Variants in GATAD2A observed in about 807,000 individuals in gnomAD.
The protein encoded by GATAD2A is transcriptional repressor p66-alpha.
A neutral mutation model predicts 68.5 loss-of-function variants in GATAD2A; 12 were observed. The ratio of observed to expected loss-of-function variants is 0.18; its 90% CI spans 0.11 to 0.28. GATAD2A has a LOEUF of 0.28. Ranked by LOEUF, GATAD2A falls within the 10% of genes least tolerant of loss-of-function variation. The probability of loss-of-function intolerance (pLI) is 1.00; values close to 1 mark genes in which losing one functional copy is unlikely to be tolerated. For synonymous variants in GATAD2A, 410 were observed against 375.3 expected, an observed-to-expected ratio of 1.09 and a Z score of -1.07; for missense variants, 755 against 868.5, an observed-to-expected ratio of 0.87 and a Z score of 1.64.
chr19:19,479,672 ACAT>A (rs1162390180), intron 2 of GATAD2A, among the ~76,000 whole-genome samples: 2 of 152,176 alleles, frequency 1.3e-5, no homozygotes, highest in Non-Finnish European at 2.9e-5. Context: ...TCTTCTCGTC[ACAT>A]CATATCAAAG....
intron 1 of GATAD2A, among the ~76,000 whole-genome samples, chr19:19,434,218 A>G (rs370268043): frequency 1.3e-5 from 2 of 152,102 alleles, no homozygotes; most frequent in Non-Finnish European, 2.9e-5. Context: ...TTTTTTATAT[A>G]TAGACCTTGA....
intron 11 of GATAD2A, among the ~76,000 whole-genome samples, chr19:19,503,804 A>G (rs1568345738): frequency 6.6e-6 from 1 of 152,194 alleles, no homozygotes; most frequent in Non-Finnish European, 1.5e-5. Flanking sequence ...AGCGCCTGGC[A>G]GGACCCAGTT....
At chr19:19,414,916 A>T (rs1283812082) in intron 1 of GATAD2A, among the ~76,000 whole-genome samples, 1 of 100,350 alleles carries the variant, frequency 1.0e-5, no homozygotes, top group African/African-American at 4.0e-5. Flanking sequence ...GGACATGGGG[A>T]GGGAGAACTT....
At chr19:19,412,896 A>G (rs576157588) in intron 1 of GATAD2A, among the ~76,000 whole-genome samples, 1 of 152,220 alleles carries the variant, frequency 6.6e-6, no homozygotes, top group Non-Finnish European at 1.5e-5. Context: ...AAATTTTTCA[A>G]CTTTATGTTG....
At chr19:19,437,223 G>A (rs986968133) in intron 1 of GATAD2A, among the ~76,000 whole-genome samples, 13 of 152,102 alleles carry the variant, frequency 8.5e-5, no homozygotes, top group Admixed American at 7.2e-4. Flanking sequence ...TCAAACTCCT[G>A]GGCTCAAGCG....
upstream of GATAD2A, among the ~76,000 whole-genome samples, chr19:19,404,629 C>CGA (rs2050025465): frequency 6.6e-6 from 1 of 151,916 alleles, no homozygotes; most frequent in African/African-American, 2.4e-5. Context: ...TGCAGTGAGC[C>CGA]GAGATAGCGC....
At chr19:19,426,493 G>A (rs1458393577) in intron 1 of GATAD2A, among the ~76,000 whole-genome samples, 1 of 152,046 alleles carries the variant, frequency 6.6e-6, no homozygotes, top group African/African-American at 2.4e-5. Flanking sequence ...CATTCCATGT[G>A]TTTCCAGTGC....
chr19:19,457,661 A>G (rs1239308645), intron 1 of GATAD2A, among the ~76,000 whole-genome samples: 1 of 151,936 alleles, frequency 6.6e-6, no homozygotes, highest in South Asian at 2.1e-4. Flanking sequence ...GAATGGTGTG[A>G]ACCCGGGAGG....
At chr19:19,429,236 G>A (rs2053452699) in intron 1 of GATAD2A, 24 of 985,186 alleles carry the variant, frequency 2.4e-5, no homozygotes, top group Non-Finnish European at 2.8e-5. Flanking sequence ...CCAGCATCGT[G>A]GTCCATGGTG....
At chr19:19,409,357 GA>G (rs2050656501) in intron 1 of GATAD2A, among the ~76,000 whole-genome samples, 1 of 152,128 alleles carries the variant, frequency 6.6e-6, no homozygotes, top group Non-Finnish European at 1.5e-5. Flanking sequence ...AAGTCTTCTC[GA>G]GCAGCTGTCC....
chr19:19,443,917 G>A (rs1047339625), intron 1 of GATAD2A, among the ~76,000 whole-genome samples: 4 of 152,120 alleles, frequency 2.6e-5, no homozygotes, highest in African/African-American at 9.6e-5. Context: ...AGAGGGGACC[G>A]TGGCCTGTCA....
At chr19:19,493,486 C>G (rs915371182) in intron 4 of GATAD2A, among the ~76,000 whole-genome samples, 2 of 152,170 alleles carry the variant, frequency 1.3e-5, no homozygotes, top group African/African-American at 4.8e-5. Flanking sequence ...GTTTCTTCTT[C>G]CCTGGAGCCC....
In GATAD2A at chr19:19,463,355, G is replaced by A. The variant is rs118029519; in HGVS notation, c.-6-1985G>A. On this transcript the variant is annotated intron_variant, in intron 1 of 11. Transcript: ENST00000683918. ...ATGGGGTTTATGGGCAAGGCATGTC[G>A]GAGGAAGGAAGGACAGAGACCATAG... Among the ~76,000 whole-genome samples, 732 of 152,280 alleles carry A rather than the reference G, an allele frequency of 4.8e-3. 6 individuals are homozygous for A. The highest frequency in any genetic ancestry group is 0.041 in the South Asian group (198 of 4,822).
chr19:19,444,947 G>A (rs556071135), intron 1 of GATAD2A, among the ~76,000 whole-genome samples: 11 of 151,064 alleles, frequency 7.3e-5, no homozygotes, highest in African/African-American at 2.4e-4. Context: ...CCTGTGATAA[G>A]GCCTGGCTGA....
chr19:19,413,126 C>G (rs1228494727), intron 1 of GATAD2A, among the ~76,000 whole-genome samples: 1 of 152,212 alleles, frequency 6.6e-6, no homozygotes, highest in Non-Finnish European at 1.5e-5. Context: ...GAGCATCTGT[C>G]TTCTTGTTGC....
intron 1 of GATAD2A, chr19:19,440,428 G>A (rs947882304): frequency 2.8e-5 from 6 of 214,312 alleles, no homozygotes; most frequent in Non-Finnish European, 4.8e-5. Flanking sequence ...CCGCCACCAC[G>A]CCCTGCTAAT....
chr19:19,408,080 A>G (rs4808950), intron 1 of GATAD2A, among the ~76,000 whole-genome samples: 29,437 of 152,200 alleles, frequency 0.19, 3,068 homozygotes, highest in South Asian at 0.33. Flanking sequence ...GTTCACTGCA[A>G]CTTCCGCCTC....
At chr19:19,439,142 G>A (rs751543522) in intron 1 of GATAD2A, among the ~76,000 whole-genome samples, 3 of 152,216 alleles carry the variant, frequency 2.0e-5, no homozygotes, top group Non-Finnish European at 4.4e-5. Flanking sequence ...CATGTCTGAG[G>A]CACACAGTCT....
Position 19,492,406 on chromosome 19 carries a change from G to C in GATAD2A, c.370G>C (p.Ala124Pro), listed in dbSNP as rs745696766. Reference protein sequence around the residue: ...SPRVNGLTTVALKETSTEALM... With the variant: ...SPRVNGLTTVPLKETSTEALM... ...GAGAGTGAATGGGCTGACCACGGTG[G>C]CCTTGAAGGAGACTAGCACCGAGGC... is the stretch of plus-strand genomic sequence containing the variant. Residue 124 changes from alanine to proline, a missense_variant, in exon 3 of 12, where the codon GCC becomes CCC. Ala to Pro is a conservative substitution (Grantham distance 27, BLOSUM62 -1). Transcript: ENST00000683918. The C allele has an allele frequency of 1.3e-5, 21 of 1,613,906 alleles. No homozygotes were observed. Among genetic ancestry groups the C allele is most frequent in the Non-Finnish European group, 1.8e-5 (21 of 1,179,872 alleles).
Sources: allele counts gnomAD v4.1 joint callset (sites outside exome capture counted in the v4.1 genomes callset), GRCh38; gene constraint gnomAD v4.1.1; transcripts MANE v1.5; gene names NCBI Gene and HGNC (gene_info 2026-07-23, HGNC 2026-07-21).